The following PRDM5 variants were observed in gnomAD, a reference collection of about 807,000 sequenced individuals.
The protein encoded by PRDM5 is PR/SET domain 5, also known as PR domain zinc finger protein 5.
PRDM5 carries 56 observed loss-of-function variants against 81.2 expected under a neutral mutation model. The ratio of observed to expected loss-of-function variants is 0.69; its 90% confidence interval spans 0.56 to 0.86. The LOEUF (loss-of-function observed/expected upper bound fraction) is 0.86, where lower values mean the gene tolerates loss of function less well. PRDM5 is among the 40% of genes least tolerant of loss of function. The pLI is 0.00. For synonymous variants in PRDM5, 267 were observed against 256.4 expected (o/e 1.04, Z -0.39); for missense variants, 697 against 770.1 (o/e 0.91, Z 1.12).
intron 2 of PRDM5, among the ~76,000 whole-genome samples, chr4:120,879,146 T>C (rs1010717832): frequency 2.6e-5 from 4 of 152,124 alleles, no homozygotes; most frequent in Admixed American, 6.6e-5. Context: ...AATCAAAATG[T>C]CCCTCAATAA....
chr4:120,876,319 C>G lies in PRDM5; in HGVS notation c.178-22779G>C, dbSNP rs144998665. 8.6e-3 allele frequency among the ~76,000 whole-genome samples: 1,302 copies of G among 152,250 alleles called. 12 individuals are homozygous for G. Among genetic ancestry groups the G allele is most frequent in the South Asian group, 0.029 (138 of 4,822 alleles). On this transcript the variant is annotated intron_variant, in intron 2 of 15. Coordinates refer to ENST00000264808, the MANE Select transcript of PRDM5 (RefSeq NM_018699.4). ...AGACTTCCCCAAGAAAACTTTAGGT[C>G]TTTTTTAAAGTAAACTGAAATATTT... is the stretch of plus-strand genomic sequence containing the variant.
chr4:120,775,160 T>A (rs781409223), intron 13 of PRDM5, among the ~76,000 whole-genome samples: 4 of 151,370 alleles, frequency 2.6e-5, no homozygotes, highest in Non-Finnish European at 5.9e-5. Flanking sequence ...TGGCCCAGAC[T>A]CGTGTATACA....
intron 2 of PRDM5, among the ~76,000 whole-genome samples, chr4:120,870,117 G>A (rs1011186013): frequency 1.3e-5 from 2 of 152,094 alleles, no homozygotes; most frequent in Admixed American, 6.6e-5. Context: ...AGGAAGGAAG[G>A]GAAGACGGAG....
intron 7 of PRDM5, among the ~76,000 whole-genome samples, chr4:120,814,992 A>T (rs569316289): frequency 3.0e-4 from 46 of 152,358 alleles, no homozygotes; most frequent in Non-Finnish European, 6.2e-4. Flanking sequence ...CAACTACAAG[A>T]AGCCTCAAAG....
intron 10 of PRDM5, among the ~76,000 whole-genome samples, chr4:120,796,778 T>C (rs1751405567): frequency 6.6e-6 from 1 of 152,172 alleles, no homozygotes; most frequent in South Asian, 2.1e-4. Context: ...ATCATAATTT[T>C]TAAATGATTT....
chr4:120,765,072 G>A (rs1013083310), intron 13 of PRDM5, among the ~76,000 whole-genome samples: 1 of 151,578 alleles, frequency 6.6e-6, no homozygotes, highest in Non-Finnish European at 1.5e-5. Flanking sequence ...TATAATGTTG[G>A]ACAAATATTC....
At chr4:120,738,511 A>T (rs369838933) in intron 14 of PRDM5, among the ~76,000 whole-genome samples, 2 of 152,228 alleles carry the variant, frequency 1.3e-5, no homozygotes, top group African/African-American at 4.8e-5. Context: ...ATGTAAGTAT[A>T]ATGAGAGCCT....
chr4:120,809,550 G>A (rs1043139623), intron 8 of PRDM5, among the ~76,000 whole-genome samples: 2 of 151,836 alleles, frequency 1.3e-5, no homozygotes, highest in African/African-American at 2.4e-5. Flanking sequence ...TAATTTGGAG[G>A]GTAATATTTT....
intron 13 of PRDM5, among the ~76,000 whole-genome samples, chr4:120,773,293 A>C (rs943694531): frequency 1.3e-5 from 2 of 152,204 alleles, no homozygotes; most frequent in African/African-American, 4.8e-5. Flanking sequence ...AATAAAGAAA[A>C]AAGGAAATGA....
rs768574338 is a variant in PRDM5 at position 120,907,451 on chromosome 4, A to C, written c.177+23T>G. 3.4e-5 allele frequency: 52 copies of C among 1,539,262 alleles called. No individual in the cohort carries two copies. The East Asian group carries it at 1.0e-3, about 31-fold the overall frequency. ...GGTACAATACAAATATATTTTTAAC[A>C]TTAAAATAAGTCATATCCTCACCTC... On this transcript the variant is annotated intron_variant, in intron 2 of 15. Coordinates refer to ENST00000264808, the MANE Select transcript of PRDM5 (RefSeq NM_018699.4).
intron 2 of PRDM5, among the ~76,000 whole-genome samples, chr4:120,875,729 T>C (rs1458998199): frequency 6.6e-6 from 1 of 152,032 alleles, no homozygotes; most frequent in Non-Finnish European, 1.5e-5. Flanking sequence ...AGTAGTAGAG[T>C]AGTAGACAGG....
At chr4:120,728,508 C>T (rs954314960) in intron 14 of PRDM5, among the ~76,000 whole-genome samples, 2 of 151,994 alleles carry the variant, frequency 1.3e-5, no homozygotes, top group Non-Finnish European at 1.5e-5. Flanking sequence ...AGAACATTTA[C>T]ACTTAAGAAT....
At chr4:120,830,495 G>C (rs781643621) in intron 3 of PRDM5, among the ~76,000 whole-genome samples, 4 of 152,088 alleles carry the variant, frequency 2.6e-5, no homozygotes, top group Non-Finnish European at 5.9e-5. Context: ...AACCTCTGTT[G>C]CTATAAACCA....
chr4:120,791,871 G>A (rs1378725419), intron 10 of PRDM5, among the ~76,000 whole-genome samples: 3 of 152,194 alleles, frequency 2.0e-5, no homozygotes, highest in Non-Finnish European at 4.4e-5. Context: ...AGGAGAGCTT[G>A]CACTCCCTCT....
In PRDM5 at chr4:120,816,463, A is replaced by G. The variant is rs1172680848; in HGVS notation, c.855T>C (p.Asn285=). ...CCAACGACTCCTCACCAGTGTGGAC[A>G]TTTTCCTGGTGTCTTTTCAGGGCAT... The part of the protein sequence containing the change: ...SKDALKRHQE[N]VHTGDPKKKL... The change falls in exon 7 of 16, where the codon AAT becomes AAC. Residue 285 remains asparagine, a synonymous_variant. Coordinates refer to ENST00000264808, the MANE Select transcript of PRDM5 (RefSeq NM_018699.4). 2 of 1,614,158 alleles carry G rather than the reference A, an allele frequency of 1.2e-6. No homozygotes were observed. Among genetic ancestry groups the G allele is most frequent in the Non-Finnish European group, 1.7e-6 (2 of 1,180,022 alleles).
At chr4:120,908,070 T>G (rs1010350224) in intron 1 of PRDM5, among the ~76,000 whole-genome samples, 1 of 152,252 alleles carries the variant, frequency 6.6e-6, no homozygotes, top group Admixed American at 6.5e-5. Flanking sequence ...ATGGGCACAC[T>G]TTAAACCATG....
At chr4:120,917,588 G>C (rs983817718) in intron 1 of PRDM5, among the ~76,000 whole-genome samples, 1 of 151,306 alleles carries the variant, frequency 6.6e-6, no homozygotes, top group Non-Finnish European at 1.5e-5. Flanking sequence ...TTGGCATATA[G>C]AGTGATAAAG....
intron 14 of PRDM5, among the ~76,000 whole-genome samples, chr4:120,748,578 T>A (rs1344783626): frequency 6.6e-6 from 1 of 151,688 alleles, no homozygotes; most frequent in Non-Finnish European, 1.5e-5. Context: ...GAGTTCAAGG[T>A]TGCAGTACAC....
At chr4:120,769,072 A>T (rs997327775) in intron 13 of PRDM5, among the ~76,000 whole-genome samples, 8 of 152,260 alleles carry the variant, frequency 5.3e-5, no homozygotes, top group African/African-American at 1.9e-4. Context: ...GTGAAAAAAT[A>T]ATTTTATGGT....
Sources: allele counts gnomAD v4.1 joint callset (sites outside exome capture counted in the v4.1 genomes callset), GRCh38; gene constraint gnomAD v4.1.1; transcripts MANE v1.5; gene names NCBI Gene and HGNC (gene_info 2026-07-23, HGNC 2026-07-21).